CMKLR1: variants seen among roughly 807,000 people sequenced by gnomAD.
CMKLR1 encodes chemerin chemokine-like receptor 1, also known as chemerin-like receptor 1.
A neutral mutation model predicts 8.2 loss-of-function variants in CMKLR1; 6 were observed. That is an observed-to-expected ratio of 0.73 (90% CI 0.40 to 1.44). The LOEUF is 1.44. CMKLR1 is among the 40% of genes most tolerant of loss of function. The pLI, the probability that CMKLR1 is intolerant of heterozygous loss-of-function variation, is 0.02. For missense variants in CMKLR1, 429 were observed against 478.0 expected (o/e 0.90, Z 0.96); for synonymous variants, 178 against 181.2 (o/e 0.98, Z 0.14).
intron 2 of CMKLR1, among the ~76,000 whole-genome samples, chr12:108,303,742 C>T (rs997823748): frequency 4.6e-5 from 7 of 152,148 alleles, no homozygotes; most frequent in Non-Finnish European, 7.3e-5. Flanking sequence ...ATTTTACAGA[C>T]GGAGCAAGGC....
Position 108,292,856 on chromosome 12 carries a change from GC to G in CMKLR1, c.106del (p.Ala36ProfsTer3). ...CACCAGGAAGATCCTGGTCACCCTG[GC>G]TTCCAAGGGGGATAAGTCCTCCAAA... Reference protein sequence around the residue: ...VVLEDLSPLEARVTRIFLVVV... With the variant: ...VVLEDLSPLEXRVTRIFLVVV... On this transcript the variant is annotated frameshift_variant, in exon 4 of 4. Transcript: ENST00000550402. LOFTEE classifies it low-confidence loss of function (END_TRUNC). The G allele has an allele frequency of 6.2e-7, 1 of 1,614,122 alleles. No individual in the cohort carries two copies. The highest frequency in any genetic ancestry group is 8.5e-7 in the Non-Finnish European group (1 of 1,180,016).
chr12:108,322,088 A>G (rs1891874912), intron 2 of CMKLR1, among the ~76,000 whole-genome samples: 1 of 152,194 alleles, frequency 6.6e-6, no homozygotes, highest in South Asian at 2.1e-4. Context: ...GTAATCAGGT[A>G]TATGTTACAT....
At position 108,290,756 on chromosome 12, in the gene CMKLR1, C is replaced by T. The variant is rs914584197; in HGVS notation, c.*1085G>A. The T allele has an allele frequency of 1.3e-5, 2 of 152,226 alleles. No homozygotes were observed. Among genetic ancestry groups the T allele is most frequent in the Non-Finnish European group, 2.9e-5 (2 of 68,056 alleles). The allele number at this position is 152,226 out of a possible 1,614,324, so 9.4% of individuals were successfully genotyped here. ...AGCTCAGAAACACAGTTCAAGGAGT[C>T]CAGCTCCAGACTCTGTCTCAAGTGA... On this transcript the variant is annotated 3_prime_UTR_variant, in exon 4 of 4. Transcript: ENST00000550402.
chr12:108,318,091 T>C (rs1354115114), intron 2 of CMKLR1, among the ~76,000 whole-genome samples: 3 of 152,258 alleles, frequency 2.0e-5, no homozygotes, highest in Non-Finnish European at 2.9e-5. Flanking sequence ...ATTCCATTGG[T>C]AGATTTGCCA....
chr12:108,316,935 A>G (rs914286171), intron 2 of CMKLR1, among the ~76,000 whole-genome samples: 8 of 152,174 alleles, frequency 5.3e-5, no homozygotes, highest in Non-Finnish European at 7.4e-5. Flanking sequence ...AGTAGCTAGG[A>G]CTACTACAGG....
chr12:108,293,378 G>T (rs149648019), intron 3 of CMKLR1, among the ~76,000 whole-genome samples: 1 of 152,138 alleles, frequency 6.6e-6, no homozygotes, highest in Non-Finnish European at 1.5e-5. Context: ...AGAGCCTAGT[G>T]GGGGAGACAA....
chr12:108,302,572 C>A (rs971432532), intron 2 of CMKLR1, among the ~76,000 whole-genome samples: 1 of 152,150 alleles, frequency 6.6e-6, no homozygotes, highest in African/African-American at 2.4e-5. Flanking sequence ...CCATCAAGGA[C>A]CCTGGGAACA....
chr12:108,321,687 T>A (rs1040376734), intron 2 of CMKLR1, among the ~76,000 whole-genome samples: 1 of 152,174 alleles, frequency 6.6e-6, no homozygotes, highest in Non-Finnish European at 1.5e-5. Flanking sequence ...GTTCTTAGAA[T>A]GTACTTTGAC....
At chr12:108,336,550 A>G (rs1195282493) in intron 1 of CMKLR1, among the ~76,000 whole-genome samples, 4 of 142,758 alleles carry the variant, frequency 2.8e-5, no homozygotes, top group African/African-American at 7.6e-5. Context: ...CATCTCCAGG[A>G]AAAAAAAAAA....
chr12:108,288,800 T>C lies in CMKLR1; in HGVS notation c.*3041A>G, dbSNP rs374620938. ...TCTCTTCTTTCTTTCTTCCTTGTCTTTTCCTTCTTCTTCTCCCCACCCTCT... is the reference window on the plus strand; with the variant it reads ...TCTCTTCTTTCTTTCTTCCTTGTCTCTTCCTTCTTCTTCTCCCCACCCTCT... On this transcript the variant is annotated 3_prime_UTR_variant, in exon 4 of 4. Transcript: ENST00000550402. The C allele has an allele frequency of 1.3e-5, 2 of 152,490 alleles. No homozygotes were observed. Among genetic ancestry groups the C allele is most frequent in the African/African-American group, 4.8e-5 (2 of 41,552 alleles). 9.4% of individuals were successfully genotyped at this position (152,490 alleles called of 1,614,324 possible).
intron 2 of CMKLR1, among the ~76,000 whole-genome samples, chr12:108,315,191 G>A (rs772606087): frequency 3.9e-5 from 6 of 152,094 alleles, no homozygotes; most frequent in Non-Finnish European, 8.8e-5. Flanking sequence ...CCAAAGTGCT[G>A]GGATTACAGG....
intron 2 of CMKLR1, among the ~76,000 whole-genome samples, chr12:108,317,372 A>G (rs1231542700): frequency 6.6e-6 from 1 of 152,218 alleles, no homozygotes; most frequent in Non-Finnish European, 1.5e-5. Context: ...ATGAAATGGC[A>G]GGTCCACTAT....
chr12:108,308,926 A>T (rs1203926702), intron 2 of CMKLR1, among the ~76,000 whole-genome samples: 1 of 152,196 alleles, frequency 6.6e-6, no homozygotes. Context: ...GTCGAGGGGT[A>T]GTCGGGGGTG....
Position 108,292,546 on chromosome 12 carries a change from G to T in CMKLR1, c.417C>A (p.Ile139=). Residue 139 remains isoleucine, a synonymous_variant, in exon 4 of 4, where the codon ATC becomes ATA. Coordinates refer to ENST00000550402, the MANE Select transcript of CMKLR1 (RefSeq NM_001142343.2). ...GGGACCAGACAGGGAGGAGCACAGA[G>T]ATGCAGCGGTCAGAGCTGATGATGG... ...LLTIISSDRC[I]SVLLPVWSQN... 6.2e-7 allele frequency: 1 copy of T among 1,614,210 alleles called. No homozygotes were observed. The highest frequency in any genetic ancestry group is 1.1e-5 in the South Asian group (1 of 91,080).
intron 1 of CMKLR1, among the ~76,000 whole-genome samples, chr12:108,337,271 T>A (rs189090064): frequency 1.1e-3 from 172 of 152,290 alleles, no homozygotes; most frequent in African/African-American, 4.0e-3. Flanking sequence ...GAGGATTTGA[T>A]AAAATCATCT....
At chr12:108,332,178 G>A (rs1470641889) in intron 1 of CMKLR1, among the ~76,000 whole-genome samples, 1 of 152,140 alleles carries the variant, frequency 6.6e-6, no homozygotes, top group Non-Finnish European at 1.5e-5. Context: ...CAACAACCCT[G>A]GGCAGGAGGA....
At chr12:108,311,554 A>T (rs1255487853) in intron 2 of CMKLR1, among the ~76,000 whole-genome samples, 1 of 152,210 alleles carries the variant, frequency 6.6e-6, no homozygotes, top group East Asian at 1.9e-4. Flanking sequence ...TGAGCCCAGG[A>T]AGTCGAGGCT....
At chr12:108,300,925 A>G (rs1443182947) in intron 2 of CMKLR1, among the ~76,000 whole-genome samples, 1 of 152,180 alleles carries the variant, frequency 6.6e-6, no homozygotes, top group African/African-American at 2.4e-5. Flanking sequence ...ACACAATTAT[A>G]CGCATTTTCA....
At chr12:108,304,629 G>A (rs1474267531) in intron 2 of CMKLR1, among the ~76,000 whole-genome samples, 5 of 151,662 alleles carry the variant, frequency 3.3e-5, no homozygotes, top group East Asian at 1.9e-4. Flanking sequence ...GGCCCTCTCC[G>A]TCTCTTCCAT....
Sources: gnomAD v4.1 joint callset for allele counts (sites outside exome capture counted in the v4.1 genomes callset) on GRCh38, gnomAD v4.1.1 for gene constraint, MANE v1.5 for transcripts, NCBI Gene and HGNC (gene_info 2026-07-23, HGNC 2026-07-21) for gene names.